The following RIPOR3 variants were observed in gnomAD, a reference collection of about 807,000 sequenced individuals.
RIPOR3 encodes family with sequence similarity 65 member C.
A neutral mutation model predicts 114.3 loss-of-function variants in RIPOR3; 95 were observed. That is an observed-to-expected ratio of 0.83 (90% CI 0.70 to 0.99). The LOEUF (loss-of-function observed/expected upper bound fraction) is 0.99. Ranked by LOEUF, RIPOR3 falls within the 50% of genes least tolerant of loss-of-function variation. RIPOR3 has a pLI of 0.00. For synonymous variants in RIPOR3, 575 were observed against 543.8 expected, an observed-to-expected ratio of 1.06 and a Z score of -0.80; for missense variants, 1,252 against 1,266.9, an observed-to-expected ratio of 0.99 and a Z score of 0.18.
At chr20:50,595,024 G>A in intron 16 of RIPOR3, 1 of 490,616 alleles carries the variant, frequency 2.0e-6, no homozygotes. Context: ...TGGGATCACA[G>A]CTACTGTTTG....
chr20:50,648,245 C>G (rs1203515604), intron 1 of RIPOR3, among the ~76,000 whole-genome samples: 1 of 151,506 alleles, frequency 6.6e-6, no homozygotes, highest in Non-Finnish European at 1.5e-5. Context: ...CACTGCACTC[C>G]AGCCTGGGTG....
intron 2 of RIPOR3, chr20:50,620,991 G>T: frequency 1.9e-6 from 1 of 526,922 alleles, no homozygotes. Flanking sequence ...GAAAGGGTGG[G>T]GACACACATC....
intron 1 of RIPOR3, among the ~76,000 whole-genome samples, chr20:50,681,132 G>A (rs1167115774): frequency 6.6e-6 from 1 of 150,682 alleles, no homozygotes; most frequent in Non-Finnish European, 1.5e-5. Flanking sequence ...GCTGAGATGG[G>A]AGGATCTGCT....
intron 1 of RIPOR3, among the ~76,000 whole-genome samples, chr20:50,643,861 C>T (rs1363842035): frequency 6.6e-6 from 1 of 151,790 alleles, no homozygotes; most frequent in Non-Finnish European, 1.5e-5. Flanking sequence ...CTACAGGCGC[C>T]CGCCACTGTG....
At chr20:50,624,646 G>C (rs1231274453) in intron 2 of RIPOR3, among the ~76,000 whole-genome samples, 1 of 152,226 alleles carries the variant, frequency 6.6e-6, no homozygotes, top group Non-Finnish European at 1.5e-5. Context: ...ACAGAAGCCG[G>C]GGCAGGAAGA....
intron 11 of RIPOR3, among the ~76,000 whole-genome samples, chr20:50,606,971 C>T (rs2083745881): frequency 6.6e-6 from 1 of 152,184 alleles, no homozygotes; most frequent in African/African-American, 2.4e-5. Context: ...CTCGGGTGAT[C>T]TGCCCACCTA....
chr20:50,648,787 G>A (rs998232633), intron 1 of RIPOR3, among the ~76,000 whole-genome samples: 20 of 151,986 alleles, frequency 1.3e-4, no homozygotes, highest in Admixed American at 1.1e-3. Context: ...AATAGGGTTC[G>A]TGCTCCTGTG....
At chr20:50,621,918 T>C (rs2084421202) in intron 2 of RIPOR3, among the ~76,000 whole-genome samples, 1 of 152,182 alleles carries the variant, frequency 6.6e-6, no homozygotes, top group Admixed American at 6.5e-5. Context: ...ATCTCAAGAC[T>C]GATTATAGGA....
chr20:50,620,208 G>A (rs2084347372), intron 2 of RIPOR3, 76 bp from the exon 3 acceptor site: 2 of 1,559,332 alleles, frequency 1.3e-6, no homozygotes, highest in Middle Eastern at 4.4e-4. Context: ...AGGCACTTTG[G>A]AAATAGTGAC....
intron 1 of RIPOR3, among the ~76,000 whole-genome samples, chr20:50,675,867 G>C (rs956299): frequency 0.82 from 124,275 of 151,856 alleles, 51,647 homozygotes; most frequent in East Asian, 0.96. Context: ...AGGGCAAGTC[G>C]AACGGCAGAC....
chr20:50,608,274 G>T (rs2083800116), intron 11 of RIPOR3, 115 bp downstream of exon 11: 3 of 1,465,558 alleles, frequency 2.0e-6, no homozygotes, highest in African/African-American at 1.4e-5. Flanking sequence ...GAGGACCCGT[G>T]AGGGCAGGGA....
At chr20:50,609,790 T>C in intron 6 of RIPOR3, 68 bp from the exon 7 acceptor site, 1 of 1,347,340 alleles carries the variant, frequency 7.4e-7, no homozygotes, top group Non-Finnish European at 9.5e-7. Flanking sequence ...GCCTGTCGAC[T>C]TCTCCTCTCT....
chr20:50,610,896 C>T lies in RIPOR3; in HGVS notation c.383G>A (p.Cys128Tyr). The T allele has an allele frequency of 6.2e-7, 1 of 1,614,234 alleles. No individual in the cohort carries two copies. Among genetic ancestry groups the T allele is most frequent in the Non-Finnish European group, 8.5e-7 (1 of 1,180,036 alleles). ...CATCTTCCGAATGTGCCTTTCCACA[C>T]AGCGCGTTTGCTTCTCCCGGAAAAA... ...FYYDLDKQTR[C>Y]VERHIRKMEF... Residue 128 changes from cysteine (C) to tyrosine (Y), a missense_variant, in exon 6 of 22, where the codon TGT becomes TAT. By Grantham distance (194) the Cys-to-Tyr change is radical. Transcript: ENST00000327979.
At chr20:50,644,576 C>G (rs1213864155) in intron 1 of RIPOR3, among the ~76,000 whole-genome samples, 1 of 150,826 alleles carries the variant, frequency 6.6e-6, no homozygotes, top group Admixed American at 6.6e-5. Context: ...CTCTGCCTCC[C>G]GGGCTCAAGC....
chr20:50,599,472 G>T (rs1237367979), intron 13 of RIPOR3, among the ~76,000 whole-genome samples: 9 of 152,164 alleles, frequency 5.9e-5, no homozygotes, highest in Admixed American at 5.9e-4. Context: ...ACTCATGCCT[G>T]AAGGAAGCTC....
chr20:50,605,000 G>A (rs2083653194), intron 11 of RIPOR3, among the ~76,000 whole-genome samples: 1 of 152,204 alleles, frequency 6.6e-6, no homozygotes, highest in South Asian at 2.1e-4. Context: ...ACAGCTCACT[G>A]CATCCTTGAA....
At position 50,609,668 on chromosome 20, in the gene RIPOR3, A is replaced by G; in HGVS notation, c.481T>C (p.Ser161Pro). The G allele has an allele frequency of 7.2e-7, 1 of 1,392,784 alleles. No individual in the cohort carries two copies. The allele number at this position is 1,392,784 out of a possible 1,614,324, so 86.3% of individuals were successfully genotyped here. The change falls in exon 7 of 22, where the codon TCC becomes CCC. Residue 161 changes from serine (S) to proline (P), a missense_variant. Ser to Pro is a moderately conservative substitution (Grantham distance 74, BLOSUM62 -1). Coordinates refer to ENST00000327979, the MANE Select transcript of RIPOR3 (RefSeq NM_001290268.2). ...CIQCRLRDGA[S>P]SMQRAFARCP... is the part of the protein sequence containing the mutation. ...CGGGCGAAGGCCCGCTGCATGCTGG[A>G]GGCGCCGTCGCGCAGGCGGCACTGG...
chr20:50,649,785 G>A (rs559903217), intron 1 of RIPOR3, among the ~76,000 whole-genome samples: 1 of 152,230 alleles, frequency 6.6e-6, no homozygotes, highest in East Asian at 1.9e-4. Context: ...CTGGCTGGAA[G>A]CAGATACTTT....
At chr20:50,688,298 G>A (rs1458498937) in intron 1 of RIPOR3, among the ~76,000 whole-genome samples, 4 of 151,948 alleles carry the variant, frequency 2.6e-5, no homozygotes, top group South Asian at 2.1e-4. Context: ...CTACAGGCAC[G>A]CACCACCACA....
Sources: allele counts gnomAD v4.1 joint callset (sites outside exome capture counted in the v4.1 genomes callset), GRCh38; gene constraint gnomAD v4.1.1; transcripts MANE v1.5; gene names NCBI Gene and HGNC (gene_info 2026-07-23, HGNC 2026-07-21).